The following MRTO4 variants were observed in gnomAD, a reference collection of about 807,000 sequenced individuals.
MRTO4 encodes the protein MRT4 homolog, ribosome maturation factor.
A neutral mutation model predicts 28.6 loss-of-function variants in MRTO4; 7 were observed. That is an observed-to-expected ratio of 0.24 (90% CI 0.14 to 0.46). MRTO4 has a LOEUF of 0.46. Ranked by LOEUF, MRTO4 falls within the 20% of genes least tolerant of loss-of-function variation. MRTO4 has a pLI of 0.99. For synonymous variants in MRTO4, 113 were observed against 108.2 expected (o/e 1.04, Z -0.27); for missense variants, 302 against 298.3 (o/e 1.01, Z -0.09).
At position 19,257,818 on chromosome 1, in the gene MRTO4, T is replaced by C. The variant is rs1013826076; in HGVS notation, c.342-15T>C. On this transcript the variant is annotated splice_polypyrimidine_tract_variant and intron_variant, in intron 5 of 7. Coordinates refer to ENST00000330263, the MANE Select transcript of MRTO4 (RefSeq NM_016183.4). ...GCCAGGAGCATCTCCTCCTACCACT[T>C]CTCTTTTCCCTTAGGTGGTTCACGA... 3 of 1,611,678 alleles carry C rather than the reference T, an allele frequency of 1.9e-6. No individual in the cohort carries two copies. The highest frequency in any genetic ancestry group is 1.3e-5 in the African/African-American group (1 of 74,952).
intron 1 of MRTO4, among the ~76,000 whole-genome samples, chr1:19,252,531 CTACTAAAAA>C (rs1026343366): frequency 6.6e-6 from 1 of 152,138 alleles, no homozygotes; most frequent in Non-Finnish European, 1.5e-5. Context: ...AACCCCTTTT[CTACTAAAAA>C]TACTAAAAAT....
chr1:19,255,266 G>A (rs2093669699), intron 2 of MRTO4, among the ~76,000 whole-genome samples: 1 of 152,026 alleles, frequency 6.6e-6, no homozygotes, highest in African/African-American at 2.4e-5. Flanking sequence ...GGCCAAGTGG[G>A]TCAGACAGCT....
At position 19,259,527 on chromosome 1, in the gene MRTO4, T is replaced by C. The variant is rs1423593588; in HGVS notation, c.*697T>C. 6.6e-6 allele frequency: 1 copy of C among 151,800 alleles called. No individual in the cohort carries two copies. Among genetic ancestry groups the C allele is most frequent in the African/African-American group, 2.4e-5 (1 of 41,312 alleles). The allele number at this position is 151,800 out of a possible 1,614,324, so 9.4% of individuals were successfully genotyped here. The stretch of plus-strand genomic sequence containing the variant: ...TGAGAGTTGGAGGCTCAGTGAGCCA[T>C]GATCATGCCACTGCACTCCAGCCTG... On this transcript the variant is annotated 3_prime_UTR_variant, in exon 8 of 8. Transcript: ENST00000330263.
At position 19,256,003 on chromosome 1, in the gene MRTO4, T is replaced by A. The variant is rs759481436; in HGVS notation, c.143T>A (p.Met48Lys). Residue 48 changes from methionine to lysine, a missense_variant, in exon 3 of 8, where the codon ATG becomes AAG. Physicochemically the swap from Met to Lys is moderately conservative, Grantham distance 95. Transcript: ENST00000330263. ...KYLFIFSVAN[M>K]RNSKLKDIRN... ...CTTTTCATCTTCTCTGTGGCCAACA[T>A]GAGGAACAGCAAGCTGAAGGACATC... 1 of 1,613,990 alleles carries A rather than the reference T, an allele frequency of 6.2e-7. No homozygotes were observed. Among genetic ancestry groups the A allele is most frequent in the East Asian group, 2.2e-5 (1 of 44,874 alleles).
At chr1:19,252,150 A>G in intron 1 of MRTO4, 1 of 474,146 alleles carries the variant, frequency 2.1e-6, no homozygotes, top group Non-Finnish European at 3.7e-6. Flanking sequence ...GCCCCCGGCT[A>G]TGCCTGCTGC....
intron 2 of MRTO4, among the ~76,000 whole-genome samples, 197 bp from the exon 3 acceptor site, chr1:19,255,751 C>G (rs895061175): frequency 7.9e-5 from 12 of 151,412 alleles, no homozygotes; most frequent in Admixed American, 6.6e-5. Flanking sequence ...GGGTGTAGAT[C>G]CATGGCTCAG....
chr1:19,258,412 C>T, intron 6 of MRTO4, 65 bp from the exon 7 acceptor site: 1 of 1,589,212 alleles, frequency 6.3e-7, no homozygotes, highest in South Asian at 1.1e-5. Context: ...CCCAACATGA[C>T]CAGGGCAGAG....
chr1:19,255,965 C>T lies in MRTO4; in HGVS notation c.105C>T (p.Asp35=), dbSNP rs1037243548. 1.9e-6 allele frequency: 3 copies of T among 1,614,054 alleles called. No individual in the cohort carries two copies. Among genetic ancestry groups the T allele is most frequent in the African/African-American group, 2.7e-5 (2 of 74,996 alleles). Residue 35 remains aspartate, a synonymous_variant, in exon 3 of 8, where the codon GAC becomes GAT. Coordinates refer to ENST00000330263, the MANE Select transcript of MRTO4 (RefSeq NM_016183.4). ...TCCCACAGCTTCGGAAATGTGTGGACACCTACAAGTACCTTTTCATCTTCT... is the reference window on the plus strand; with the variant it reads ...TCCCACAGCTTCGGAAATGTGTGGATACCTACAAGTACCTTTTCATCTTCT... The part of the protein sequence containing the change: ...NLIEELRKCV[D]TYKYLFIFSV...
In MRTO4 at chr1:19,258,991, G is replaced by A. The variant is rs1025386462; in HGVS notation, c.*161G>A. 41 of 897,368 alleles carry A rather than the reference G, an allele frequency of 4.6e-5. No homozygotes were observed. Among genetic ancestry groups the A allele is most frequent in the Non-Finnish European group, 6.2e-5 (38 of 616,442 alleles). 55.6% of individuals were successfully genotyped at this position (897,368 alleles called of 1,614,324 possible). A position where few individuals can be genotyped will look rare whatever the true frequency, so the allele number is the denominator to read the frequency against. ...AAGAATAAAACTGTGGGCCGGGCGC[G>A]GTGGCTCACGCCTGGAATCCCAGCA... On this transcript the variant is annotated 3_prime_UTR_variant, in exon 8 of 8. Coordinates refer to ENST00000330263, the MANE Select transcript of MRTO4 (RefSeq NM_016183.4).
At chr1:19,258,105 TGG>T in intron 6 of MRTO4, 121 bp downstream of exon 6, 1 of 1,337,234 alleles carries the variant, frequency 7.5e-7, no homozygotes, top group East Asian at 2.5e-5. Context: ...CATGAGAAAA[TGG>T]GGCTAAGAGT....
At chr1:19,252,414 C>G (rs1569589573) in intron 1 of MRTO4, among the ~76,000 whole-genome samples, 1 of 152,192 alleles carries the variant, frequency 6.6e-6, no homozygotes, top group African/African-American at 2.4e-5. Flanking sequence ...CGTAACACTG[C>G]AGGCCGGATG....
intron 5 of MRTO4, 125 bp from the exon 6 acceptor site, chr1:19,257,708 C>A: frequency 7.1e-7 from 1 of 1,416,514 alleles, no homozygotes; most frequent in Non-Finnish European, 9.8e-7. Context: ...GGGCTGGCTG[C>A]TGGCCAGCAG....
In MRTO4 at chr1:19,255,952, G is replaced by T. The variant is rs369921635; in HGVS notation, c.92G>T (p.Arg31Leu). Residue 31 changes from arginine to leucine, a missense_variant, in exon 3 of 8, where the codon CGG becomes CTG. Physicochemically the swap from Arg to Leu is moderately radical, Grantham distance 102 (BLOSUM62 -2). Transcript: ENST00000330263. The stretch of plus-strand genomic sequence containing the variant: ...GCCTCGTGAATTGTCCCACAGCTTC[G>T]GAAATGTGTGGACACCTACAAGTAC... ...ELKQNLIEELRKCVDTYKYLF... is the reference protein window; with the variant it reads ...ELKQNLIEELLKCVDTYKYLF... The T allele has an allele frequency of 6.2e-7, 1 of 1,613,788 alleles. No homozygotes were observed. The highest frequency in any genetic ancestry group is 1.1e-5 in the South Asian group (1 of 91,058).
At position 19,259,104 on chromosome 1, in the gene MRTO4, T is replaced by G; in HGVS notation, c.*274T>G. ...GGTGAAACCCCGTCTCTACTAAAAA[T>G]AGAAAAAAAAACTAGTTGGGCATAG... On this transcript the variant is annotated 3_prime_UTR_variant, in exon 8 of 8. Coordinates refer to ENST00000330263, the MANE Select transcript of MRTO4 (RefSeq NM_016183.4). 3.8e-6 allele frequency: 1 copy of G among 264,838 alleles called. No individual in the cohort carries two copies. Among genetic ancestry groups the G allele is most frequent in the Non-Finnish European group, 7.2e-6 (1 of 139,328 alleles). The allele number at this position is 264,838 out of a possible 1,614,324, so 16.4% of individuals were successfully genotyped here.
chr1:19,258,394 G>A, intron 6 of MRTO4, 83 bp from the exon 7 acceptor site: 8 of 1,541,310 alleles, frequency 5.2e-6, no homozygotes, highest in Non-Finnish European at 7.1e-6. Context: ...GTGGCTGACT[G>A]GATTCCTCCC....
intron 4 of MRTO4, 97 bp from the exon 5 acceptor site, chr1:19,257,357 C>A (rs2093672984): frequency 3.5e-6 from 5 of 1,440,636 alleles, no homozygotes; most frequent in Non-Finnish European, 4.9e-6. Context: ...CCAAAAACGT[C>A]TTTAAATGTT....
At position 19,258,715 on chromosome 1, in the gene MRTO4, T is replaced by C. The variant is rs545850657; in HGVS notation, c.605T>C (p.Val202Ala). 2 of 1,614,214 alleles carry C rather than the reference T, an allele frequency of 1.2e-6. No homozygotes were observed. Among genetic ancestry groups the C allele is most frequent in the African/African-American group, 1.3e-5 (1 of 75,052 alleles). ...GGGTATGAGATGGCTGAATTCAAGG[T>C]GACCATCAAATACATGTGGGATTCA... Reference protein sequence around the residue: ...LFGYEMAEFKVTIKYMWDSQS... With the variant: ...LFGYEMAEFKATIKYMWDSQS... Residue 202 changes from valine to alanine, a missense_variant, in exon 8 of 8, where the codon GTG (valine) becomes GCG (alanine). Coordinates refer to ENST00000330263, the MANE Select transcript of MRTO4 (RefSeq NM_016183.4).
At chr1:19,258,024 TC>T in intron 6 of MRTO4, 40 bp downstream of exon 6, 1 of 1,600,930 alleles carries the variant, frequency 6.2e-7, no homozygotes, top group Non-Finnish European at 8.5e-7. Context: ...CAGCCTAGAG[TC>T]CAAGAGCACG....
rs750670286 is a variant in MRTO4, at chr1:19,257,896, G to T, written c.405G>T (p.Val135=). The T allele has an allele frequency of 3.1e-6, 5 of 1,614,128 alleles. No homozygotes were observed. The East Asian group carries it at 1.1e-4, about 36-fold the overall frequency. ...ARAGNKAAFT[V]SLDPGPLEQF... Reference sequence around the variant, plus strand: ...CTGGTAACAAAGCAGCTTTCACTGTGAGCCTGGATCCAGGGCCCCTGGAGC... The same window carrying T: ...CTGGTAACAAAGCAGCTTTCACTGTTAGCCTGGATCCAGGGCCCCTGGAGC... The change falls in exon 6 of 8, where the codon GTG becomes GTT. Residue 135 remains valine (V), a synonymous_variant. Coordinates refer to ENST00000330263, the MANE Select transcript of MRTO4 (RefSeq NM_016183.4).
Sources: gnomAD v4.1 joint callset for allele counts (sites outside exome capture counted in the v4.1 genomes callset) on GRCh38, gnomAD v4.1.1 for gene constraint, MANE v1.5 for transcripts, NCBI Gene and HGNC (gene_info 2026-07-23, HGNC 2026-07-21) for gene names.